SNX31: variants seen among roughly 807,000 people sequenced by gnomAD.
SNX31 encodes the protein sorting nexin-31.
Under a neutral mutation model 65.4 loss-of-function variants are expected in SNX31, and 58 were observed. The ratio of observed to expected loss-of-function variants is 0.89; its 90% CI spans 0.72 to 1.10. SNX31 has a LOEUF of 1.10. Among genes scored for constraint, SNX31 ranks in the 50% least tolerant of loss-of-function variants. The pLI is 0.00. For missense variants in SNX31, 523 were observed against 529.7 expected (o/e 0.99, Z 0.12); for synonymous variants, 181 against 190.1 (o/e 0.95, Z 0.39).
At chr8:100,638,538 T>C (rs34216349) in intron 2 of SNX31, among the ~76,000 whole-genome samples, 59,423 of 152,092 alleles carry the variant, frequency 0.39, 12,069 homozygotes, top group East Asian at 0.49. Flanking sequence ...ATGCATTTTT[T>C]TGGTGGTTGG....
intron 13 of SNX31, among the ~76,000 whole-genome samples, chr8:100,574,418 G>A (rs535223227): frequency 6.6e-6 from 1 of 152,178 alleles, no homozygotes; most frequent in Non-Finnish European, 1.5e-5. Context: ...CAGATCACGA[G>A]TTCAGGAGAT....
At chr8:100,601,864 A>C (rs1169822030) in intron 8 of SNX31, among the ~76,000 whole-genome samples, 1 of 150,164 alleles carries the variant, frequency 6.7e-6, no homozygotes, top group Non-Finnish European at 1.5e-5. Context: ...CGTGGAAGTA[A>C]CAAAGCCTGT....
At chr8:100,656,104 C>T (rs1407084225) in intron 1 of SNX31, among the ~76,000 whole-genome samples, 5 of 152,170 alleles carry the variant, frequency 3.3e-5, no homozygotes, top group Admixed American at 3.3e-4. Context: ...ACCTGGGACT[C>T]TGTTTTACAT....
rs778245907 is a variant in SNX31 at position 100,629,943 on chromosome 8, G to C, written c.321+384C>G. Among the ~76,000 whole-genome samples, 2 of 152,196 alleles carry C rather than the reference G, an allele frequency of 1.3e-5. No individual in the cohort carries two copies. Among genetic ancestry groups the C allele is most frequent in the Non-Finnish European group, 2.9e-5 (2 of 68,032 alleles). ...TGATGTCTTCACTGTGGCCCATTTG[G>C]AAATCTCAGCTACAGAAGCAGGGTC... On this transcript the variant is annotated intron_variant, in intron 4 of 13. Transcript: ENST00000311812. The surrounding 1 kb of genome is among the most constrained non-coding windows in gnomAD (Gnocchi z 5.1).
intron 10 of SNX31, among the ~76,000 whole-genome samples, chr8:100,591,750 G>T (rs1814609105): frequency 6.6e-6 from 1 of 151,498 alleles, no homozygotes; most frequent in African/African-American, 2.4e-5. Flanking sequence ...GATCTCTCGA[G>T]CCCACAGGGT....
rs548400441 is a variant in SNX31, at chr8:100,584,251, C to T, written c.1093-63G>A. 17 of 1,349,604 alleles carry T rather than the reference C, an allele frequency of 1.3e-5. 1 individual carries two copies. The African/African-American group carries it at 1.7e-4, about 13-fold the overall frequency. The allele number at this position is 1,349,604 out of a possible 1,614,324, so 83.6% of individuals were successfully genotyped here. ...GAAATCTTCACTCTCTTTCTTCCCT[C>T]CTCACACCACAAAGCGGATTTTGAC... On this transcript the variant is annotated intron_variant, in intron 11 of 13. Coordinates refer to ENST00000311812, the MANE Select transcript of SNX31 (RefSeq NM_152628.4).
chr8:100,627,652 C>T (rs1818134772), intron 4 of SNX31, among the ~76,000 whole-genome samples: 2 of 152,134 alleles, frequency 1.3e-5, no homozygotes, highest in Admixed American at 1.3e-4. Context: ...AGCAATTCTG[C>T]CTCAGCCTCC....
chr8:100,644,777 G>A (rs545516981), intron 2 of SNX31, among the ~76,000 whole-genome samples: 4 of 152,350 alleles, frequency 2.6e-5, no homozygotes, highest in African/African-American at 9.6e-5. Context: ...CAATTCTCGT[G>A]CCTCATTCTC....
chr8:100,657,111 G>A (rs1308202510), intron 1 of SNX31, among the ~76,000 whole-genome samples: 1 of 152,042 alleles, frequency 6.6e-6, no homozygotes, highest in Admixed American at 6.6e-5. Flanking sequence ...TAAAAAATGA[G>A]GAGGGAAAGT....
At chr8:100,605,042 G>C (rs1442506826) in intron 8 of SNX31, among the ~76,000 whole-genome samples, 3 of 152,118 alleles carry the variant, frequency 2.0e-5, no homozygotes, top group African/African-American at 7.2e-5. Flanking sequence ...GGGACTACAG[G>C]CGTGCGCCAC....
chr8:100,650,473 T>C (rs1284251135), upstream of SNX31, among the ~76,000 whole-genome samples: 1 of 152,134 alleles, frequency 6.6e-6, no homozygotes, highest in East Asian at 1.9e-4. Context: ...GTCTGAGTCG[T>C]TTACTGCAGG....
intron 2 of SNX31, among the ~76,000 whole-genome samples, chr8:100,641,566 AT>A (rs748471774): frequency 0.33 from 6,207 of 18,618 alleles, 860 homozygotes; most frequent in Non-Finnish European, 0.37. Flanking sequence ...AAAAAAAAAA[AT>A]ATATATATAT....
chr8:100,603,363 G>A lies in SNX31; in HGVS notation c.682-2922C>T, dbSNP rs540862366. 2.0e-4 allele frequency among the ~76,000 whole-genome samples: 30 copies of A among 151,930 alleles called. No homozygotes were observed. The South Asian group carries it at 2.3e-3, about 12-fold the overall frequency. ...ATCCAAGACATGTCGTTCACCATCAGAGTAACTGGATCCTCAGACACAGAG... is the reference window on the plus strand; with the variant it reads ...ATCCAAGACATGTCGTTCACCATCAAAGTAACTGGATCCTCAGACACAGAG... On this transcript the variant is annotated intron_variant, in intron 8 of 13. Coordinates refer to ENST00000311812, the MANE Select transcript of SNX31 (RefSeq NM_152628.4).
In SNX31 at chr8:100,609,807, G is replaced by T. The variant is rs754906963; in HGVS notation, c.612-1244C>A. On this transcript the variant is annotated intron_variant, in intron 7 of 13. Coordinates refer to ENST00000311812, the MANE Select transcript of SNX31 (RefSeq NM_152628.4). The surrounding 1 kb of genome is among the most constrained non-coding windows in gnomAD (Gnocchi z 4.9). ...CCACACATCCCAGAGGCCCCTGTGT[G>T]CAGAGAATAGACCCATCCCAGACTG... 1.3e-5 allele frequency among the ~76,000 whole-genome samples: 2 copies of T among 152,168 alleles called. No individual in the cohort carries two copies. The highest frequency in any genetic ancestry group is 4.1e-4 in the South Asian group (2 of 4,826).
At chr8:100,584,211 A>C (rs758948608) in intron 11 of SNX31, 23 bp from the exon 12 acceptor site, 3 of 1,573,558 alleles carry the variant, frequency 1.9e-6, no homozygotes, top group Non-Finnish European at 2.6e-6. Context: ...GGAATAAAGA[A>C]CTCTTGTAAC....
rs191812020 is a variant in SNX31, at chr8:100,635,713, C to T, written c.256+184G>A. Among the ~76,000 whole-genome samples, 5 of 151,914 alleles carry T rather than the reference C, an allele frequency of 3.3e-5. No individual in the cohort carries two copies. In the East Asian group the frequency reaches 9.7e-4, roughly 29 times the overall value. On this transcript the variant is annotated intron_variant, in intron 3 of 13. Transcript: ENST00000311812. ...GGGGGAGGGAAAGAGGAAGTGATTG[C>T]CAATGGGTATGAGGTTTCTTTTGGG...
rs11994344 is a variant in SNX31, at chr8:100,576,655, T to C, written c.1227+364A>G. Among the ~76,000 whole-genome samples the C allele has an allele frequency of 4.4e-3, 671 of 152,296 alleles. 9 individuals are homozygous for C. Among genetic ancestry groups the C allele is most frequent in the African/African-American group, 0.015 (644 of 41,560 alleles). On this transcript the variant is annotated intron_variant, in intron 13 of 13. Transcript: ENST00000311812. This position sits in a 1 kb window ranked among gnomAD's most constrained non-coding sequence, Gnocchi z 4.8. Reference sequence around the variant, plus strand: ...AAAAAGTATTTTGTAAACTTAAAAGTTGCTTTATACAGAGTATACTGCAGA... The same window carrying C: ...AAAAAGTATTTTGTAAACTTAAAAGCTGCTTTATACAGAGTATACTGCAGA...
At chr8:100,621,018 C>A (rs929133610) in intron 4 of SNX31, among the ~76,000 whole-genome samples, 2 of 152,108 alleles carry the variant, frequency 1.3e-5, no homozygotes, top group Admixed American at 1.3e-4. Context: ...GTGGTGGATA[C>A]CTGTAATCCC....
rs189420095 is a variant in SNX31, at chr8:100,590,581, C to T, written c.979-1602G>A. Among the ~76,000 whole-genome samples the T allele has an allele frequency of 2.0e-5, 3 of 152,122 alleles. No individual in the cohort carries two copies. In the East Asian group the frequency reaches 5.8e-4, roughly 29 times the overall value. ...ATCACTTGAGGTCAGGAGTTTGAGA[C>T]CAGCCTGGCCAACATGGTAAAACCC... On this transcript the variant is annotated intron_variant, in intron 10 of 13. Transcript: ENST00000311812.
Sources: gnomAD v4.1 joint callset for allele counts (sites outside exome capture counted in the v4.1 genomes callset) on GRCh38, gnomAD v4.1.1 for gene constraint, Gnocchi (gnomAD v3.1) non-coding constraint, MANE v1.5 for transcripts, NCBI Gene and HGNC (gene_info 2026-07-23, HGNC 2026-07-21) for gene names.